The following INHBB variants were observed in gnomAD, a reference collection of about 807,000 sequenced individuals.
INHBB encodes the protein inhibin beta B chain.
In INHBB, 8 loss-of-function variants were observed where a neutral mutation model predicts 28.9. The observed-to-expected ratio is 0.28, with a 90% CI of 0.16 to 0.50. INHBB has a LOEUF of 0.50. INHBB is among the 20% of genes least tolerant of loss of function. The pLI is 0.98. For missense variants in INHBB, 499 were observed against 597.8 expected, an observed-to-expected ratio of 0.83 and a Z score of 1.72; for synonymous variants, 293 against 262.7, an observed-to-expected ratio of 1.12 and a Z score of -1.12.
intron 1 of INHBB, among the ~76,000 whole-genome samples, chr2:120,348,657 A>T (rs1376687441): frequency 3.2e-5 from 1 of 31,600 alleles, no homozygotes; most frequent in South Asian, 5.9e-4. Context: ...TAAGTTAACC[A>T]AAAAAAAAAA....
rs902675717 is a variant in INHBB at position 120,350,626 on chromosome 2, AG to A, written c.*755del. The A allele has an allele frequency of 7.4e-6, 1 of 134,862 alleles. No homozygotes were observed. The highest frequency in any genetic ancestry group is 1.6e-5 in the Non-Finnish European group (1 of 62,844). The allele number at this position is 134,862 out of a possible 1,614,324, so 8.4% of individuals were successfully genotyped here. Reference sequence around the variant, plus strand: ...GTGTGTGTTTTTGGGGTGGGGAGGGAGGGAGAGAAGAGGGGGCTAAATTTGA... The same window carrying A: ...GTGTGTGTTTTTGGGGTGGGGAGGGAGGAGAGAAGAGGGGGCTAAATTTGA... On this transcript the variant is annotated 3_prime_UTR_variant, in exon 2 of 2. Coordinates refer to ENST00000295228, the MANE Select transcript of INHBB (RefSeq NM_002193.4).
Position 120,346,151 on chromosome 2 carries a change from C to T in INHBB, c.-38C>T, listed in dbSNP as rs1691145855. ...GCCCTGCGCTCGGCTCGACTCGGCTCGCCTCGCGGCGGGCGCCCTCGTCGC... is the reference window on the plus strand; with the variant it reads ...GCCCTGCGCTCGGCTCGACTCGGCTTGCCTCGCGGCGGGCGCCCTCGTCGC... On this transcript the variant is annotated 5_prime_UTR_variant, in exon 1 of 2. Coordinates refer to ENST00000295228, the MANE Select transcript of INHBB (RefSeq NM_002193.4). 9.2e-7 allele frequency: 1 copy of T among 1,085,404 alleles called. No homozygotes were observed. The highest frequency in any genetic ancestry group is 1.1e-6 in the Non-Finnish European group (1 of 897,348). The allele number at this position is 1,085,404 out of a possible 1,614,324, so 67.2% of individuals were successfully genotyped here. A position where few individuals can be genotyped will look rare whatever the true frequency, so the allele number is the denominator to read the frequency against.
At chr2:120,348,679 G>A (rs773161940) in intron 1 of INHBB, among the ~76,000 whole-genome samples, 2,822 of 103,278 alleles carry the variant, frequency 0.027, 36 homozygotes, top group Non-Finnish European at 0.04. Context: ...AAAAAAAAAA[G>A]CCCTACTAAA....
intron 1 of INHBB, among the ~76,000 whole-genome samples, chr2:120,347,984 C>T (rs1161101692): frequency 3.9e-5 from 6 of 152,038 alleles, no homozygotes; most frequent in Non-Finnish European, 8.8e-5. Context: ...ACAGCGGGGG[C>T]TGTTATATTT....
In INHBB at chr2:120,350,335, G is replaced by C. The variant is rs779157310; in HGVS notation, c.*461G>C. On this transcript the variant is annotated 3_prime_UTR_variant, in exon 2 of 2. Transcript: ENST00000295228. ...AGAGAGAGAGAGAGAGCCACGGAGA[G>C]GAAAAGCAGATGCAGGGGTGGGGAG... 1.7e-5 allele frequency: 3 copies of C among 171,434 alleles called. No homozygotes were observed. The highest frequency in any genetic ancestry group is 1.7e-4 in the Admixed American group (3 of 17,456). 10.6% of individuals were successfully genotyped at this position (171,434 alleles called of 1,614,324 possible). A position where few individuals can be genotyped will look rare whatever the true frequency, so the allele number is the denominator to read the frequency against.
At position 120,349,416 on chromosome 2, in the gene INHBB, CAGG is replaced by C. The variant is rs768519293; in HGVS notation, c.769_771del (p.Glu257del). ...CCTAGACGTGCAGTGTGACAGCTGC[CAGG>C]AGCTGGCCGTGGTGCCGGTGTTCGT... On this transcript the variant is annotated inframe_deletion, in exon 2 of 2. Transcript: ENST00000295228. The surrounding 1 kb of genome is among the most constrained non-coding windows in gnomAD (Gnocchi z 5.6). The C allele has an allele frequency of 1.9e-6, 3 of 1,613,756 alleles. No homozygotes were observed. The East Asian group carries it at 6.7e-5, about 36-fold the overall frequency.
At chr2:120,348,472 A>T (rs1354061433) in intron 1 of INHBB, among the ~76,000 whole-genome samples, 1 of 152,014 alleles carries the variant, frequency 6.6e-6, no homozygotes, top group Non-Finnish European at 1.5e-5. Flanking sequence ...CTGTCCCTTG[A>T]AACTATTCTA....
At chr2:120,348,675 A>AC (rs1412907313) in intron 1 of INHBB, among the ~76,000 whole-genome samples, 1 of 151,506 alleles carries the variant, frequency 6.6e-6, no homozygotes, top group Non-Finnish European at 1.5e-5. Context: ...AAAAAAAAAA[A>AC]AAAGCCCTAC....
rs1250803329 is a variant in INHBB at position 120,346,324 on chromosome 2, G to A, written c.136G>A (p.Gly46Arg). 28 of 1,337,842 alleles carry A rather than the reference G, an allele frequency of 2.1e-5. No homozygotes were observed. Among genetic ancestry groups the A allele is most frequent in the Non-Finnish European group, 2.5e-5 (26 of 1,045,780 alleles). The allele number at this position is 1,337,842 out of a possible 1,614,324, so 82.9% of individuals were successfully genotyped here. ...CGCGCCGCCGCCACCCCCGCCACCC[G>A]GATCCCCGGGTGGCTCGCAGGACAC... Reference protein sequence around the residue: ...PAAPPPPPPPGSPGGSQDTCT... With the variant: ...PAAPPPPPPPRSPGGSQDTCT... Residue 46 changes from glycine to arginine, a missense_variant, in exon 1 of 2, where the codon GGA becomes AGA. Coordinates refer to ENST00000295228, the MANE Select transcript of INHBB (RefSeq NM_002193.4).
rs763924458 is a variant in INHBB, at chr2:120,349,920, G to T, written c.*46G>T. The T allele has an allele frequency of 5.1e-6, 8 of 1,566,516 alleles. No homozygotes were observed. Among genetic ancestry groups the T allele is most frequent in the Non-Finnish European group, 6.1e-6 (7 of 1,152,560 alleles). ...GTGGTGGGGCACGGAGGGCAGTCCC[G>T]GGTGGGCTTCTTCCAGCCCCCGCGG... On this transcript the variant is annotated 3_prime_UTR_variant, in exon 2 of 2. Transcript: ENST00000295228. The surrounding 1 kb of genome is among the most constrained non-coding windows in gnomAD (Gnocchi z 5.6).
Position 120,351,299 on chromosome 2 carries a change from C to T in INHBB, c.*1425C>T, listed in dbSNP as rs1691253607. 1 of 151,546 alleles carries T rather than the reference C, an allele frequency of 6.6e-6. No homozygotes were observed. The highest frequency in any genetic ancestry group is 2.4e-5 in the African/African-American group (1 of 41,122). 9.4% of individuals were successfully genotyped at this position (151,546 alleles called of 1,614,324 possible). On this transcript the variant is annotated 3_prime_UTR_variant, in exon 2 of 2. Coordinates refer to ENST00000295228, the MANE Select transcript of INHBB (RefSeq NM_002193.4). ...TTTATACTTGAAATGAAATCCTTTG[C>T]TTCTTTTTTAAGCGAATGATTGCTT...
At chr2:120,348,331 T>A (rs1254769406) in intron 1 of INHBB, among the ~76,000 whole-genome samples, 1 of 151,900 alleles carries the variant, frequency 6.6e-6, no homozygotes, top group Non-Finnish European at 1.5e-5. Flanking sequence ...ACAGCCTCCT[T>A]CTTGTTGAGC....
chr2:120,348,733 T>C (rs1691205519), intron 1 of INHBB, among the ~76,000 whole-genome samples: 1 of 151,820 alleles, frequency 6.6e-6, no homozygotes, highest in African/African-American at 2.4e-5. Flanking sequence ...GTTTTGTTTT[T>C]CAGATTTCAC....
Position 120,346,404 on chromosome 2 carries a change from C to G in INHBB, c.216C>G (p.Gly72=). The G allele has an allele frequency of 1.3e-6, 2 of 1,540,574 alleles. No homozygotes were observed. The highest frequency in any genetic ancestry group is 1.7e-6 in the Non-Finnish European group (2 of 1,150,458). ...RRPEELGRVD[G]DFLEAVKRHI... ...CAGAGGAGCTCGGCCGAGTGGACGG[C>G]GACTTCCTGGAGGCGGTGAAGCGGC... Residue 72 remains glycine, a synonymous_variant, in exon 1 of 2, where the codon GGC becomes GGG. Transcript: ENST00000295228.
Position 120,349,427 on chromosome 2 carries a change from CGTGGTGCCG to C in INHBB, c.781_789del (p.Val261_Val263del). 6.2e-7 allele frequency: 1 copy of C among 1,613,688 alleles called. No homozygotes were observed. The highest frequency in any genetic ancestry group is 2.2e-5 in the East Asian group (1 of 44,854). On this transcript the variant is annotated inframe_deletion, in exon 2 of 2. Coordinates refer to ENST00000295228, the MANE Select transcript of INHBB (RefSeq NM_002193.4). This position sits in a 1 kb window ranked among gnomAD's most constrained non-coding sequence, Gnocchi z 5.6. ...AGTGTGACAGCTGCCAGGAGCTGGC[CGTGGTGCCG>C]GTGTTCGTGGACCCAGGCGAAGAGT...
At position 120,350,172 on chromosome 2, in the gene INHBB, C is replaced by T. The variant is rs1286220977; in HGVS notation, c.*298C>T. ...CCTCCAGGATACCAGCAAATGGATG[C>T]GGTGACAAATGGCAGCTTAGCTACA... is the stretch of plus-strand genomic sequence containing the variant. On this transcript the variant is annotated 3_prime_UTR_variant, in exon 2 of 2. Transcript: ENST00000295228. 9 of 384,194 alleles carry T rather than the reference C, an allele frequency of 2.3e-5. No individual in the cohort carries two copies. The highest frequency in any genetic ancestry group is 2.1e-4 in the Admixed American group (5 of 23,344). The allele number at this position is 384,194 out of a possible 1,614,324, so 23.8% of individuals were successfully genotyped here.
Position 120,346,361 on chromosome 2 carries a change from G to A in INHBB, c.173G>A (p.Cys58Tyr). Residue 58 changes from cysteine (C) to tyrosine (Y), a missense_variant, in exon 1 of 2, where the codon TGC becomes TAC. Cys to Tyr is a radical substitution (Grantham distance 194, BLOSUM62 -2). Coordinates refer to ENST00000295228, the MANE Select transcript of INHBB (RefSeq NM_002193.4). ...PGGSQDTCTSCGGFRRPEELG... is the reference protein window; with the variant it reads ...PGGSQDTCTSYGGFRRPEELG... Reference sequence around the variant, plus strand: ...GGCTCGCAGGACACCTGTACGTCGTGCGGCGGCTTCCGGCGGCCAGAGGAG... The same window carrying A: ...GGCTCGCAGGACACCTGTACGTCGTACGGCGGCTTCCGGCGGCCAGAGGAG... 1 of 1,479,472 alleles carries A rather than the reference G, an allele frequency of 6.8e-7. No homozygotes were observed. Among genetic ancestry groups the A allele is most frequent in the Non-Finnish European group, 8.9e-7 (1 of 1,121,392 alleles). The allele number at this position is 1,479,472 out of a possible 1,614,324, so 91.6% of individuals were successfully genotyped here.
At chr2:120,348,190 C>T (rs1459218544) in intron 1 of INHBB, among the ~76,000 whole-genome samples, 1 of 130,534 alleles carries the variant, frequency 7.7e-6, no homozygotes, top group Non-Finnish European at 1.5e-5. Flanking sequence ...AAAACCAGCC[C>T]TGACCACAGA....
rs1466766831 is a variant in INHBB at position 120,351,052 on chromosome 2, C to A, written c.*1178C>A. 1 of 152,812 alleles carries A rather than the reference C, an allele frequency of 6.5e-6. No individual in the cohort carries two copies. Among genetic ancestry groups the A allele is most frequent in the Non-Finnish European group, 1.5e-5 (1 of 68,134 alleles). 9.5% of individuals were successfully genotyped at this position (152,812 alleles called of 1,614,324 possible). A position where few individuals can be genotyped will look rare whatever the true frequency, so the allele number is the denominator to read the frequency against. Reference sequence around the variant, plus strand: ...GGGCTGGCCGTGGACGTGGCCCCTGCCCACTCACCTGCCCGCCTGCCCGCC... The same window carrying A: ...GGGCTGGCCGTGGACGTGGCCCCTGACCACTCACCTGCCCGCCTGCCCGCC... On this transcript the variant is annotated 3_prime_UTR_variant, in exon 2 of 2. Transcript: ENST00000295228.
Sources: allele counts gnomAD v4.1 joint callset (sites outside exome capture counted in the v4.1 genomes callset), GRCh38; gene constraint gnomAD v4.1.1; non-coding constraint Gnocchi (gnomAD v3.1); transcripts MANE v1.5; gene names NCBI Gene and HGNC (gene_info 2026-07-23, HGNC 2026-07-21).